ECT2: variants seen among roughly 807,000 people sequenced by gnomAD.
The protein encoded by ECT2 is epithelial cell transforming 2, also known as protein ECT2.
A neutral mutation model predicts 116.9 loss-of-function variants in ECT2; 61 were observed. The observed-to-expected ratio is 0.52, with a 90% CI of 0.42 to 0.65. The LOEUF (loss-of-function observed/expected upper bound fraction) is 0.65. Ranked by LOEUF, ECT2 falls within the 30% of genes least tolerant of loss-of-function variation. The pLI, the probability that ECT2 is intolerant of heterozygous loss-of-function variation, is 0.00. For synonymous variants in ECT2, 358 were observed against 346.4 expected (o/e 1.03, Z -0.37); for missense variants, 937 against 1,078.7 (o/e 0.87, Z 1.84).
At chr3:172,823,813 G>T (rs747927663), downstream of ECT2, among the ~76,000 whole-genome samples, 8 of 151,932 alleles carry the variant, frequency 5.3e-5, no homozygotes, top group Non-Finnish European at 8.8e-5. Flanking sequence ...TTCTGGTGGA[G>T]GATCTTTAAA....
rs563713459 is a variant in ECT2 at position 172,801,508 on chromosome 3, G to C, written c.1908-1108G>C. ...AACGTGTCTTCCCTAACCTCGGATA[G>C]TTTTCTTACACGCATACAGTGATCA... On this transcript the variant is annotated intron_variant, in intron 18 of 24. Coordinates refer to ENST00000392692, the MANE Select transcript of ECT2 (RefSeq NM_001258315.2). Among the ~76,000 whole-genome samples the C allele has an allele frequency of 3.9e-5, 6 of 152,320 alleles. No individual in the cohort carries two copies. The South Asian group carries it at 1.0e-3, about 26-fold the overall frequency.
rs370713533 is a variant in ECT2, at chr3:172,820,240, C to T, written c.*3C>T. ...GATCTACAACTCATTTGATATGAAGCGTTACCAAAATCTTAAATTATAGAA... is the reference window on the plus strand; with the variant it reads ...GATCTACAACTCATTTGATATGAAGTGTTACCAAAATCTTAAATTATAGAA... On this transcript the variant is annotated 3_prime_UTR_variant, in exon 25 of 25. Coordinates refer to ENST00000392692, the MANE Select transcript of ECT2 (RefSeq NM_001258315.2). The T allele has an allele frequency of 7.8e-5, 123 of 1,585,524 alleles. No individual in the cohort carries two copies. In the African/African-American group the frequency reaches 9.5e-4, roughly 12 times the overall value.
At chr3:172,828,813 C>T in the ECT2 span, 1 of 752,274 alleles carries the variant, frequency 1.3e-6, no homozygotes. Context: ...CCCAGAATGG[C>T]ATAGGAGAAG....
intron 15 of ECT2, among the ~76,000 whole-genome samples, chr3:172,782,557 T>G (rs1722893620): frequency 6.6e-6 from 1 of 152,202 alleles, no homozygotes. Flanking sequence ...TCATTTTAAG[T>G]TCAGGAGTAC....
intron 1 of ECT2, chr3:172,751,123 G>T (rs2108291376): frequency 1.3e-5 from 2 of 152,460 alleles, no homozygotes; most frequent in South Asian, 2.1e-4. Context: ...GAGTGTGGGT[G>T]AAGGGAGGGA....
chr3:172,815,581 C>G, intron 22 of ECT2, 23 bp from the exon 23 acceptor site: 1 of 1,432,672 alleles, frequency 7.0e-7, no homozygotes, highest in Non-Finnish European at 9.6e-7. Context: ...TTTAAGATAA[C>G]AAAAAGTATT....
In ECT2 at chr3:172,783,795, C is replaced by T. The variant is rs753292450; in HGVS notation, c.1618-4C>T. On this transcript the variant is annotated splice_region_variant and splice_polypyrimidine_tract_variant and intron_variant, in intron 15 of 24. Coordinates refer to ENST00000392692, the MANE Select transcript of ECT2 (RefSeq NM_001258315.2). ...AATAATGTTTTTTTCCCTTTTCTTCCTAGTCAAAAGATTTGGTAAAAACCT... is the reference window on the plus strand; with the variant it reads ...AATAATGTTTTTTTCCCTTTTCTTCTTAGTCAAAAGATTTGGTAAAAACCT... 3 of 1,551,466 alleles carry T rather than the reference C, an allele frequency of 1.9e-6. No homozygotes were observed. The highest frequency in any genetic ancestry group is 2.7e-6 in the Non-Finnish European group (3 of 1,129,070).
chr3:172,766,579 C>T (rs1719434792), intron 12 of ECT2, among the ~76,000 whole-genome samples: 1 of 151,930 alleles, frequency 6.6e-6, no homozygotes. Flanking sequence ...GTAAGAAGCA[C>T]TGGAGAAATA....
the ECT2 span, among the ~76,000 whole-genome samples, chr3:172,828,448 G>A: frequency 1.3e-5 from 2 of 152,012 alleles, no homozygotes; most frequent in Non-Finnish European, 2.9e-5. Context: ...TTACAGAAGT[G>A]AAAGAATCTG....
intron 18 of ECT2, 106 bp downstream of exon 18, chr3:172,786,680 A>G (rs1723661021): frequency 4.2e-6 from 3 of 711,698 alleles, no homozygotes; most frequent in South Asian, 3.9e-5. Flanking sequence ...TTTTTGTAAA[A>G]TGTCTAGATT....
intron 20 of ECT2, 109 bp downstream of exon 20, chr3:172,803,089 C>A: frequency 9.8e-7 from 1 of 1,016,594 alleles, no homozygotes; most frequent in Non-Finnish European, 1.3e-6. Context: ...TAAATAAACT[C>A]AAGTAATCTT....
At chr3:172,817,888 C>T (rs1007519580) in intron 24 of ECT2, among the ~76,000 whole-genome samples, 4 of 151,994 alleles carry the variant, frequency 2.6e-5, no homozygotes, top group Non-Finnish European at 5.9e-5. Context: ...ACTCTGGAAC[C>T]CTAGTGTTCA....
intron 14 of ECT2, among the ~76,000 whole-genome samples, chr3:172,778,416 C>G (rs1489847466): frequency 6.6e-6 from 1 of 152,072 alleles, no homozygotes; most frequent in Non-Finnish European, 1.5e-5. Flanking sequence ...GGGGACTCGC[C>G]TGCCAAACTG....
chr3:172,800,061 G>A (rs899834938), intron 18 of ECT2, among the ~76,000 whole-genome samples: 12 of 152,150 alleles, frequency 7.9e-5, no homozygotes, highest in Non-Finnish European at 1.8e-4. Context: ...GGCCTTGAGG[G>A]ACAATTAAGC....
At chr3:172,796,753 G>C (rs1725719305) in intron 18 of ECT2, among the ~76,000 whole-genome samples, 1 of 151,994 alleles carries the variant, frequency 6.6e-6, no homozygotes, top group Non-Finnish European at 1.5e-5. Flanking sequence ...TGCAACCTCT[G>C]CCTCTCAGGT....
At chr3:172,783,465 A>T (rs1242443282) in intron 15 of ECT2, among the ~76,000 whole-genome samples, 1 of 152,124 alleles carries the variant, frequency 6.6e-6, no homozygotes, top group Non-Finnish European at 1.5e-5. Flanking sequence ...TGCTTTTGGA[A>T]TCTACATAGA....
intron 24 of ECT2, 64 bp downstream of exon 24, chr3:172,816,901 C>A: frequency 7.7e-7 from 1 of 1,305,260 alleles, no homozygotes; most frequent in Non-Finnish European, 1.0e-6. Flanking sequence ...AATTTGTTAA[C>A]TTCTAAAAAT....
Position 172,769,143 on chromosome 3 carries a change from G to A in ECT2, c.1428G>A (p.Gln476=). 6.2e-7 allele frequency: 1 copy of A among 1,608,054 alleles called. No homozygotes were observed. The highest frequency in any genetic ancestry group is 8.5e-7 in the Non-Finnish European group (1 of 1,176,588). The change falls in exon 13 of 25, where the codon CAG becomes CAA. Residue 476 remains glutamine, a splice_region_variant and synonymous_variant. Coordinates refer to ENST00000392692, the MANE Select transcript of ECT2 (RefSeq NM_001258315.2). ...NYVNILATII[Q]LFQVPLEEEG... ...TTAATATATTGGCAACAATTATTCA[G>A]GTAAGTATGAGTTTGATTGAAAAAT...
At chr3:172,775,430 A>T (rs1415271705) in intron 14 of ECT2, among the ~76,000 whole-genome samples, 1 of 152,150 alleles carries the variant, frequency 6.6e-6, no homozygotes, top group Admixed American at 6.6e-5. Flanking sequence ...TATTTCAGTT[A>T]ATTTCTAGAT....
Sources: allele counts gnomAD v4.1 joint callset (sites outside exome capture counted in the v4.1 genomes callset), GRCh38; gene constraint gnomAD v4.1.1; transcripts MANE v1.5; gene names NCBI Gene and HGNC (gene_info 2026-07-23, HGNC 2026-07-21).